The following AP4S1 variants were observed in gnomAD, a reference collection of about 807,000 sequenced individuals.
AP4S1 encodes the protein AP-4 complex subunit sigma-1.
In AP4S1, 23 loss-of-function variants were observed where a neutral mutation model predicts 19.8. That is an observed-to-expected ratio of 1.16 (90% CI 0.84 to 1.65). The LOEUF (loss-of-function observed/expected upper bound fraction) is 1.65. Among genes scored for constraint, AP4S1 ranks in the 40% most tolerant of loss-of-function variants. The pLI is 0.00. For synonymous variants in AP4S1, 46 were observed against 54.1 expected (o/e 0.85, Z 0.66); for missense variants, 166 against 172.8 (o/e 0.96, Z 0.22).
rs775840348 is a variant in AP4S1, at chr14:31,084,838, A to G, written c.306+4254A>G. On this transcript the variant is annotated intron_variant, in intron 5 of 5. Transcript: ENST00000542754. ...CCAGCAGACTTGCTTTTCTCCAGACAGTTCATCATTCAAAGGAGCTGCCTC... is the reference window on the plus strand; with the variant it reads ...CCAGCAGACTTGCTTTTCTCCAGACGGTTCATCATTCAAAGGAGCTGCCTC... The G allele has an allele frequency of 8.7e-6, 14 of 1,614,116 alleles. No homozygotes were observed. Among genetic ancestry groups the G allele is most frequent in the Non-Finnish European group, 1.1e-5 (13 of 1,180,056 alleles).
intron 1 of AP4S1, among the ~76,000 whole-genome samples, chr14:31,048,701 T>C (rs921411337): frequency 5.3e-5 from 8 of 152,192 alleles, no homozygotes; most frequent in African/African-American, 1.9e-4. Flanking sequence ...ATTGCGTCAT[T>C]GCACTCCAGC....
At chr14:31,069,572 G>A (rs1416098336) in intron 2 of AP4S1, among the ~76,000 whole-genome samples, 2 of 152,124 alleles carry the variant, frequency 1.3e-5, no homozygotes, top group East Asian at 1.9e-4. Flanking sequence ...TGACTTCCAC[G>A]CAGAGCAAAG....
At chr14:31,030,342 T>C (rs58011377) in intron 1 of AP4S1, among the ~76,000 whole-genome samples, 19,886 of 152,152 alleles carry the variant, frequency 0.13, 1,722 homozygotes, top group East Asian at 0.29. Context: ...AAGCAATACT[T>C]ACACATAGTG....
intron 1 of AP4S1, among the ~76,000 whole-genome samples, chr14:31,040,845 G>C (rs1885065646): frequency 6.6e-6 from 1 of 151,862 alleles, no homozygotes; most frequent in Non-Finnish European, 1.5e-5. Context: ...TGGGAATCAG[G>C]ATATCTAATA....
chr14:31,082,904 A>C (rs1484992337), intron 5 of AP4S1, among the ~76,000 whole-genome samples: 3 of 152,094 alleles, frequency 2.0e-5, no homozygotes, highest in Non-Finnish European at 4.4e-5. Flanking sequence ...TCAAAAAAAA[A>C]AAAAAAGACT....
At position 31,063,417 on chromosome 14, in the gene AP4S1, G is replaced by A. The variant is rs575674456; in HGVS notation, c.-71-2709G>A. ...CCATTGCACTCCAGCCTGGGTGACA[G>A]AGTGAGACTCTGTCTCAAAAATAAA... On this transcript the variant is annotated intron_variant, in intron 1 of 5. Transcript: ENST00000542754. 7.2e-5 allele frequency among the ~76,000 whole-genome samples: 11 copies of A among 152,256 alleles called. No homozygotes were observed. In the South Asian group the frequency reaches 2.1e-3, roughly 29 times the overall value.
At chr14:31,037,682 G>A (rs1267981116) in intron 1 of AP4S1, among the ~76,000 whole-genome samples, 3 of 152,156 alleles carry the variant, frequency 2.0e-5, no homozygotes, top group Non-Finnish European at 4.4e-5. Flanking sequence ...GGATGCAGTG[G>A]CTCATGCCTG....
At chr14:31,060,873 G>A (rs1472351279) in intron 1 of AP4S1, among the ~76,000 whole-genome samples, 1 of 152,034 alleles carries the variant, frequency 6.6e-6, no homozygotes, top group Non-Finnish European at 1.5e-5. Context: ...GAATCATAAA[G>A]GAGAGTCTTG....
intron 1 of AP4S1, among the ~76,000 whole-genome samples, chr14:31,065,908 C>T (rs1886690673): frequency 6.6e-6 from 1 of 152,162 alleles, no homozygotes; most frequent in Admixed American, 6.5e-5. Context: ...GATCCACCTG[C>T]CTCGGCCTCC....
At chr14:31,069,731 C>T in intron 2 of AP4S1, 112 bp from the exon 3 acceptor site, 1 of 854,484 alleles carries the variant, frequency 1.2e-6, no homozygotes. Flanking sequence ...TCTTAATATT[C>T]TATATTTCTA....
intron 4 of AP4S1, among the ~76,000 whole-genome samples, chr14:31,075,412 C>G (rs1887300871): frequency 6.6e-6 from 1 of 152,062 alleles, no homozygotes; most frequent in Non-Finnish European, 1.5e-5. Flanking sequence ...ACCGTATTTT[C>G]TTTATCCATT....
In AP4S1 at chr14:31,025,890, C is replaced by T. The variant is rs764479487; in HGVS notation, c.-72+103C>T. ...AGCCGCCGCAGCTCCCGCACACCGA[C>T]CCCAACGAGGTACCTGCAGTTCGGC... On this transcript the variant is annotated intron_variant, in intron 1 of 5. Coordinates refer to ENST00000542754, the MANE Select transcript of AP4S1 (RefSeq NM_001128126.3). The T allele has an allele frequency of 3.1e-6, 5 of 1,596,048 alleles. No homozygotes were observed. The East Asian group carries it at 9.2e-5, about 29-fold the overall frequency.
intron 4 of AP4S1, among the ~76,000 whole-genome samples, chr14:31,074,964 T>C (rs1887277422): frequency 6.6e-6 from 1 of 152,248 alleles, no homozygotes. Context: ...TCATATAATG[T>C]ATAAAAACCA....
intron 5 of AP4S1, among the ~76,000 whole-genome samples, chr14:31,090,178 G>T (rs1407124882): frequency 6.6e-6 from 1 of 151,984 alleles, no homozygotes; most frequent in South Asian, 2.1e-4. Flanking sequence ...CTGAGACAGG[G>T]TTTCACCATA....
intron 4 of AP4S1, among the ~76,000 whole-genome samples, chr14:31,078,870 TG>T (rs1887498293): frequency 6.6e-6 from 1 of 152,168 alleles, no homozygotes; most frequent in Non-Finnish European, 1.5e-5. Context: ...AAGAGCACTA[TG>T]GGAAAGAAAA....
intron 1 of AP4S1, among the ~76,000 whole-genome samples, chr14:31,039,005 T>A (rs75579339): frequency 6.6e-6 from 1 of 151,462 alleles, no homozygotes. Context: ...TTTTTTTTTT[T>A]TATTGTTTGC....
intron 1 of AP4S1, among the ~76,000 whole-genome samples, chr14:31,027,850 A>C (rs1884124809): frequency 6.6e-6 from 1 of 152,204 alleles, no homozygotes; most frequent in African/African-American, 2.4e-5. Flanking sequence ...ATAATTAACA[A>C]CATAAGGAAA....
At chr14:31,045,663 A>C (rs12892054) in intron 1 of AP4S1, among the ~76,000 whole-genome samples, 39,168 of 152,056 alleles carry the variant, frequency 0.26, 5,269 homozygotes, top group South Asian at 0.33. Flanking sequence ...GCAGACTAAT[A>C]CACCATTCAA....
chr14:31,030,737 G>A (rs576379717), intron 1 of AP4S1, among the ~76,000 whole-genome samples: 48 of 152,166 alleles, frequency 3.2e-4, no homozygotes, highest in Non-Finnish European at 5.0e-4. Context: ...ACCCAGACAC[G>A]TAATCTCTGC....
Sources: gnomAD v4.1 joint callset for allele counts (sites outside exome capture counted in the v4.1 genomes callset) on GRCh38, gnomAD v4.1.1 for gene constraint, MANE v1.5 for transcripts, NCBI Gene and HGNC (gene_info 2026-07-23, HGNC 2026-07-21) for gene names.